Variants in AMOT observed in about 807,000 individuals in gnomAD.
The protein encoded by AMOT is angiomotin.
Under a neutral mutation model 67.0 loss-of-function variants are expected in AMOT, and 11 were observed. The ratio of observed to expected loss-of-function variants is 0.16; its 90% confidence interval spans 0.10 to 0.27. The LOEUF (loss-of-function observed/expected upper bound fraction) is 0.27. AMOT is among the 10% of genes least tolerant of loss of function. The pLI is 1.00. For synonymous variants in AMOT, 326 were observed against 321.4 expected, an observed-to-expected ratio of 1.01 and a Z score of -0.15; for missense variants, 753 against 852.0, an observed-to-expected ratio of 0.88 and a Z score of 1.45.
At chrX:112,813,415 C>G (rs768789026) in intron 5 of AMOT, among the ~76,000 whole-genome samples, 1 of 111,404 alleles carries the variant, frequency 9.0e-6, no homozygotes, top group Non-Finnish European at 1.9e-5. Flanking sequence ...TTCATTTCCT[C>G]CAGCACTACC....
chrX:112,837,177 T>C, intron 1 of AMOT, among the ~76,000 whole-genome samples: 1 of 112,484 alleles, frequency 8.9e-6, no homozygotes, highest in African/African-American at 3.2e-5. Context: ...ATACTAGCTT[T>C]CTTCTGCAAG....
chrX:112,833,959 G>A (rs1286864062), intron 1 of AMOT, among the ~76,000 whole-genome samples: 2 of 112,361 alleles, frequency 1.8e-5, no homozygotes, highest in East Asian at 5.6e-4. Context: ...GTACTAATTA[G>A]CTTCCTAATG....
intron 2 of AMOT, among the ~76,000 whole-genome samples, chrX:112,825,675 C>G (rs922318785): frequency 5.4e-5 from 6 of 110,713 alleles, no homozygotes; most frequent in African/African-American, 1.6e-4. Flanking sequence ...AAAAAGAACA[C>G]TCAGTGAGGC....
chrX:112,821,411 TAAC>T (rs1934712794), intron 4 of AMOT, among the ~76,000 whole-genome samples: 1 of 111,261 alleles, frequency 9.0e-6, no homozygotes, highest in South Asian at 3.8e-4. Context: ...GCCCAAATAC[TAAC>T]AACAGGAACA....
chrX:112,814,047 C>T (rs1022700874), intron 5 of AMOT, among the ~76,000 whole-genome samples: 8 of 111,156 alleles, frequency 7.2e-5, no homozygotes, highest in Non-Finnish European at 1.1e-4. Flanking sequence ...CCAAGGCGGG[C>T]GGATCACCTG....
chrX:112,805,274 C>T (rs1934138591), intron 7 of AMOT, among the ~76,000 whole-genome samples, 182 bp from the exon 8 acceptor site: 1 of 109,789 alleles, frequency 9.1e-6, no homozygotes, highest in Non-Finnish European at 1.9e-5. Context: ...TGTAGAAATT[C>T]AGAAAAGTCA....
At chrX:112,830,476 G>T (rs1359811665) in intron 2 of AMOT, among the ~76,000 whole-genome samples, 3 of 112,365 alleles carry the variant, frequency 2.7e-5, no homozygotes, top group African/African-American at 9.7e-5. Flanking sequence ...CTTCATGATA[G>T]AATCCCAGAA....
At chrX:112,800,440 T>C (rs1661195293) in intron 8 of AMOT, among the ~76,000 whole-genome samples, 1 of 111,959 alleles carries the variant, frequency 8.9e-6, no homozygotes, top group South Asian at 3.7e-4. Context: ...CTATCAATAC[T>C]CTAAATGCAC....
chrX:112,815,577 G>A lies in AMOT; in HGVS notation c.1173C>T (p.His391=), dbSNP rs781022452. 1 of 1,210,323 alleles carries A rather than the reference G, an allele frequency of 8.3e-7. No individual in the cohort carries two copies. The highest frequency in any genetic ancestry group is 1.1e-6 in the Non-Finnish European group (1 of 894,596). ...QQQQHHHHHH[H]QQQQQQQPQQ... ...GTGGCTGCTGCTGCTGCTGTTGTTG[G>A]TGGTGATGGTGATGATGGTGCTGCT... is the stretch of plus-strand genomic sequence containing the variant. Residue 391 remains histidine (H), a synonymous_variant, in exon 5 of 14, where the codon CAC becomes CAT. Coordinates refer to ENST00000371959, the MANE Select transcript of AMOT (RefSeq NM_001113490.2).
chrX:112,781,967 C>CA (rs1933194361), intron 11 of AMOT, among the ~76,000 whole-genome samples: 1 of 111,839 alleles, frequency 8.9e-6, no homozygotes, highest in African/African-American at 3.3e-5. Context: ...TGACTCATTG[C>CA]AACCTCTGCC....
chrX:112,839,933 C>T (rs1935246958), intron 1 of AMOT, among the ~76,000 whole-genome samples: 4 of 111,568 alleles, frequency 3.6e-5, no homozygotes, highest in African/African-American at 1.3e-4. Flanking sequence ...ACCACCACCA[C>T]CACACATCTC....
Position 112,840,736 on chromosome X carries a change from G to GT in AMOT, c.-574dup, listed in dbSNP as rs1426994374. ...GGCGAAAGAGAGCGGAGATGGAGGAGTAATTCAGGGGGTCTACCAGTTTAG... is the reference window on the plus strand; with the variant it reads ...GGCGAAAGAGAGCGGAGATGGAGGAGTTAATTCAGGGGGTCTACCAGTTTAG... On this transcript the variant is annotated 5_prime_UTR_variant, in exon 1 of 14. Transcript: ENST00000371959. 1.8e-5 allele frequency: 2 copies of GT among 113,253 alleles called. No individual in the cohort carries two copies. The highest frequency in any genetic ancestry group is 6.4e-5 in the African/African-American group (2 of 31,160). 9.3% of individuals were successfully genotyped at this position (113,253 alleles called of 1,213,427 possible). A position where few individuals can be genotyped will look rare whatever the true frequency, so the allele number is the denominator to read the frequency against.
chrX:112,805,765 T>C (rs955327208), intron 7 of AMOT, among the ~76,000 whole-genome samples: 1 of 111,671 alleles, frequency 9.0e-6, no homozygotes, highest in African/African-American at 3.3e-5. Context: ...CTGGAAGCCA[T>C]GTTATGCTTT....
Position 112,811,169 on chromosome X carries a change from G to T in AMOT, c.1537+80C>A, listed in dbSNP as rs1934353682. 7 of 1,161,248 alleles carry T rather than the reference G, an allele frequency of 6.0e-6. No homozygotes were observed. In the Admixed American group the frequency reaches 1.6e-4, roughly 26 times the overall value. ...GGGTTGGACAACCCCAAAGAGCCTA[G>T]TTGGATCCTGCTCAGCCCTTCCCTT... is the stretch of plus-strand genomic sequence containing the variant. On this transcript the variant is annotated intron_variant, in intron 6 of 13. Transcript: ENST00000371959.
chrX:112,804,898 T>TGAC, intron 8 of AMOT, 49 bp downstream of exon 8: 1 of 837,580 alleles, frequency 1.2e-6, no homozygotes, highest in Non-Finnish European at 1.7e-6. Context: ...GTCCCCGATT[T>TGAC]CCCAGCCCTC....
intron 8 of AMOT, among the ~76,000 whole-genome samples, chrX:112,792,843 T>C (rs1267655653): frequency 4.5e-5 from 5 of 111,346 alleles, no homozygotes; most frequent in Non-Finnish European, 9.4e-5. Context: ...CTATAAGCCA[T>C]ATCCAAAAGC....
chrX:112,818,704 C>A (rs1348483773), intron 4 of AMOT, among the ~76,000 whole-genome samples: 1 of 110,996 alleles, frequency 9.0e-6, no homozygotes, highest in East Asian at 2.8e-4. Context: ...TTGGAGGGGG[C>A]GGATGTCAGA....
At chrX:112,782,507 T>G (rs1169270635) in intron 11 of AMOT, 33 bp downstream of exon 11, 1 of 1,208,348 alleles carries the variant, frequency 8.3e-7, no homozygotes, top group African/African-American at 1.8e-5. Flanking sequence ...TATCAATGTC[T>G]CAGATTCCTC....
chrX:112,795,436 A>G (rs775885393), intron 8 of AMOT, among the ~76,000 whole-genome samples: 11 of 111,211 alleles, frequency 9.9e-5, no homozygotes, highest in African/African-American at 3.3e-4. Context: ...CAGAGACCTC[A>G]TTTGTTTAAA....
Sources: gnomAD v4.1 joint callset for allele counts (sites outside exome capture counted in the v4.1 genomes callset) on GRCh38, gnomAD v4.1.1 for gene constraint, MANE v1.5 for transcripts, NCBI Gene and HGNC (gene_info 2026-07-23, HGNC 2026-07-21) for gene names.